The following PLET1 variants were observed in gnomAD, a reference collection of about 807,000 sequenced individuals.
The protein encoded by PLET1 is placenta-expressed transcript 1 protein.
Under a neutral mutation model 18.5 loss-of-function variants are expected in PLET1, and 20 were observed. The observed-to-expected ratio is 1.08, with a 90% CI of 0.76 to 1.57. The LOEUF (loss-of-function observed/expected upper bound fraction) is 1.57, where lower values mean the gene tolerates loss of function less well. PLET1 is among the 40% of genes most tolerant of loss of function. The pLI, the probability that PLET1 is intolerant of heterozygous loss-of-function variation, is 0.00. For synonymous variants in PLET1, 93 were observed against 93.8 expected, an observed-to-expected ratio of 0.99 and a Z score of 0.05; for missense variants, 256 against 246.4, an observed-to-expected ratio of 1.04 and a Z score of -0.26.
chr11:112,260,148 T>G (rs1431013122), intron 1 of PLET1: 2 of 413,360 alleles, frequency 4.8e-6, no homozygotes, highest in Non-Finnish European at 8.6e-6. Flanking sequence ...ACCCCAAGTG[T>G]GCTCTTGCTG....
intron 1 of PLET1, among the ~76,000 whole-genome samples, chr11:112,256,814 TAGA>T: frequency 6.6e-6 from 1 of 152,360 alleles, no homozygotes; most frequent in Non-Finnish European, 1.5e-5. Context: ...TCAGGTGCAG[TAGA>T]AGGTGAGCAG....
chr11:112,248,864 T>C lies in PLET1; in HGVS notation c.559A>G (p.Ser187Gly). The change falls in exon 4 of 4, where the codon AGC becomes GGC. Residue 187 changes from serine (S) to glycine (G), a missense_variant. Physicochemically the swap from Ser to Gly is moderately conservative, Grantham distance 56. Transcript: ENST00000338832. ...RLEGLANQVFSSPITEAIYIL... is the reference protein window; with the variant it reads ...RLEGLANQVFGSPITEAIYIL... ...TAAATGGCCTCTGTGATGGGGCTGC[T>C]GAAGACTTGGTTGGCCAAGCCTTCG... 4 of 1,551,672 alleles carry C rather than the reference T, an allele frequency of 2.6e-6. No individual in the cohort carries two copies. The highest frequency in any genetic ancestry group is 3.5e-6 in the Non-Finnish European group (4 of 1,146,994).
chr11:112,257,205 C>A (rs1860232712), intron 1 of PLET1, among the ~76,000 whole-genome samples: 1 of 152,170 alleles, frequency 6.6e-6, no homozygotes, highest in African/African-American at 2.4e-5. Flanking sequence ...GGGCAGCCAG[C>A]CTTTCCCTTT....
At position 112,248,691 on chromosome 11, in the gene PLET1, T is replaced by C; in HGVS notation, c.*108A>G. 7.7e-7 allele frequency: 1 copy of C among 1,296,878 alleles called. No individual in the cohort carries two copies. Among genetic ancestry groups the C allele is most frequent in the South Asian group, 1.5e-5 (1 of 66,010 alleles). The allele number at this position is 1,296,878 out of a possible 1,614,324, so 80.3% of individuals were successfully genotyped here. ...AGCCGTGGCAGCAAAGTTGCACATT[T>C]GAGAATGTAAAGCCTTCATTTACAC... is the stretch of plus-strand genomic sequence containing the variant. On this transcript the variant is annotated 3_prime_UTR_variant, in exon 4 of 4. Transcript: ENST00000338832.
rs186746699 is a variant in PLET1 at position 112,249,743 on chromosome 11, G to T, written c.449-769C>A. On this transcript the variant is annotated intron_variant, in intron 3 of 3. Coordinates refer to ENST00000338832, the MANE Select transcript of PLET1 (RefSeq NM_001145024.1). ...AGGCTGAGGTGAGTGGATCACTTGA[G>T]GTCAGGGGTTCGAGACCAGCCTGGC... 3.8e-3 allele frequency among the ~76,000 whole-genome samples: 582 copies of T among 152,098 alleles called. 3 individuals are homozygous for T. The highest frequency in any genetic ancestry group is 6.5e-3 in the Non-Finnish European group (440 of 67,998).
chr11:112,250,418 C>G (rs1331619665), intron 3 of PLET1, among the ~76,000 whole-genome samples: 1 of 151,928 alleles, frequency 6.6e-6, no homozygotes, highest in African/African-American at 2.4e-5. Context: ...AGGACACACT[C>G]CTGTAACAGC....
rs545370628 is a variant in PLET1, at chr11:112,259,504, C to T, written c.184+902G>A. 5.9e-5 allele frequency among the ~76,000 whole-genome samples: 9 copies of T among 152,250 alleles called. No homozygotes were observed. In the East Asian group the frequency reaches 1.5e-3, roughly 26 times the overall value. On this transcript the variant is annotated intron_variant, in intron 1 of 3. Transcript: ENST00000338832. ...TATATAAAAAATATCTACTGGACAC[C>T]TCTAAGAAAAGCATTGGATTAAGAA...
chr11:112,254,190 G>GTGTGTGT (rs144110459), intron 2 of PLET1, among the ~76,000 whole-genome samples: 1 of 141,174 alleles, frequency 7.1e-6, no homozygotes, highest in Non-Finnish European at 1.5e-5. Flanking sequence ...GAGCATAAGT[G>GTGTGTGT]GTGTGTGTGT....
chr11:112,258,180 C>T (rs564276040), intron 1 of PLET1, among the ~76,000 whole-genome samples: 156 of 152,212 alleles, frequency 1.0e-3, no homozygotes, highest in African/African-American at 3.7e-3. Flanking sequence ...CCCTTCACCC[C>T]AGTGGATCAT....
chr11:112,258,759 G>T (rs1405675996), intron 1 of PLET1, among the ~76,000 whole-genome samples: 2 of 152,156 alleles, frequency 1.3e-5, no homozygotes, highest in Non-Finnish European at 1.5e-5. Flanking sequence ...TATCCTCCCT[G>T]CCCTGTCAGG....
Position 112,252,531 on chromosome 11 carries a change from A to G in PLET1, c.387-122T>C, listed in dbSNP as rs374662406. ...TTTGTGCTTACTTTCTGTATGGCAC[A>G]ATGAGCAGATCATTAAATACTGGTC... is the stretch of plus-strand genomic sequence containing the variant. On this transcript the variant is annotated intron_variant, in intron 2 of 3. Transcript: ENST00000338832. 3.2e-5 allele frequency: 26 copies of G among 812,024 alleles called. No homozygotes were observed. The East Asian group carries it at 6.2e-4, about 19-fold the overall frequency. The allele number at this position is 812,024 out of a possible 1,614,324, so 50.3% of individuals were successfully genotyped here. A position where few individuals can be genotyped will look rare whatever the true frequency, so the allele number is the denominator to read the frequency against.
chr11:112,252,077 G>A (rs189855633), intron 3 of PLET1, among the ~76,000 whole-genome samples: 60 of 152,314 alleles, frequency 3.9e-4, no homozygotes, highest in African/African-American at 1.4e-3. Flanking sequence ...AGCTCCTATG[G>A]AAGCGGCATT....
At chr11:112,254,821 C>T (rs59021101) in intron 2 of PLET1, among the ~76,000 whole-genome samples, 132,638 of 133,280 alleles carry the variant, frequency 1, 66,000 homozygotes, top group Non-Finnish European at 1. Flanking sequence ...GTGTGTGTGG[C>T]ATGTGGGGTG....
At chr11:112,255,895 C>CACACG (rs1860220277) in intron 1 of PLET1, among the ~76,000 whole-genome samples, 1 of 152,194 alleles carries the variant, frequency 6.6e-6, no homozygotes, top group East Asian at 1.9e-4. Flanking sequence ...ATACTCAGCT[C>CACACG]TGGTTTTGCT....
chr11:112,251,088 T>C (rs535710863), intron 3 of PLET1, among the ~76,000 whole-genome samples: 68 of 152,304 alleles, frequency 4.5e-4, no homozygotes, highest in Admixed American at 2.3e-3. Context: ...GGCTAATGTT[T>C]CTTGTTCTTG....
intron 2 of PLET1, among the ~76,000 whole-genome samples, chr11:112,254,754 GGTGT>G (rs759019053): frequency 4.3e-5 from 4 of 93,326 alleles, no homozygotes; most frequent in African/African-American, 1.9e-4. Context: ...CTGTGTGTGT[GGTGT>G]GTGTGCTGCG....
intron 2 of PLET1, among the ~76,000 whole-genome samples, chr11:112,254,608 GTGTA>G (rs1256207731): frequency 7.5e-6 from 1 of 132,894 alleles, no homozygotes; most frequent in African/African-American, 2.8e-5. Context: ...TATGGCATGT[GTGTA>G]TGGTGTGTGT....
chr11:112,250,910 C>G (rs1860148972), intron 3 of PLET1, among the ~76,000 whole-genome samples: 1 of 152,206 alleles, frequency 6.6e-6, no homozygotes, highest in African/African-American at 2.4e-5. Context: ...TTAAGACATT[C>G]ATATAATAGT....
chr11:112,248,661 T>A lies in PLET1; in HGVS notation c.*138A>T. On this transcript the variant is annotated 3_prime_UTR_variant, in exon 4 of 4. Coordinates refer to ENST00000338832, the MANE Select transcript of PLET1 (RefSeq NM_001145024.1). ...GAGTGCCTCCAGATCTTTGTTTTGG[T>A]CTGAAGCCGTGGCAGCAAAGTTGCA... 1.0e-6 allele frequency: 1 copy of A among 984,618 alleles called. No individual in the cohort carries two copies. The highest frequency in any genetic ancestry group is 1.5e-6 in the Non-Finnish European group (1 of 676,034). The allele number at this position is 984,618 out of a possible 1,614,324, so 61.0% of individuals were successfully genotyped here.
Sources: allele counts gnomAD v4.1 joint callset (sites outside exome capture counted in the v4.1 genomes callset), GRCh38; gene constraint gnomAD v4.1.1; transcripts MANE v1.5; gene names NCBI Gene and HGNC (gene_info 2026-07-23, HGNC 2026-07-21).